CLASP1: variants seen among roughly 807,000 people sequenced by gnomAD.
CLASP1 encodes the protein CLIP-associating protein 1.
A neutral mutation model predicts 192.3 loss-of-function variants in CLASP1; 38 were observed. The observed-to-expected ratio is 0.20, with a 90% confidence interval of 0.15 to 0.26. The LOEUF is 0.26. Among genes scored for constraint, CLASP1 ranks in the 10% least tolerant of loss-of-function variants. The pLI is 1.00. For synonymous variants in CLASP1, 691 were observed against 712.8 expected (o/e 0.97, Z 0.49); for missense variants, 1,433 against 1,932.5 (o/e 0.74, Z 4.85).
intron 19 of CLASP1, among the ~76,000 whole-genome samples, chr2:121,441,742 C>A (rs1056759811): frequency 1.7e-4 from 25 of 150,204 alleles, no homozygotes; most frequent in African/African-American, 5.9e-4. Flanking sequence ...GAGACCCTGC[C>A]TTTAAAAAAA....
In CLASP1 at chr2:121,404,441, G is replaced by T. The variant is rs1376376657; in HGVS notation, c.2670-7C>A. 3 of 1,605,704 alleles carry T rather than the reference G, an allele frequency of 1.9e-6. No individual in the cohort carries two copies. Among genetic ancestry groups the T allele is most frequent in the Non-Finnish European group, 2.6e-6 (3 of 1,175,426 alleles). On this transcript the variant is annotated splice_region_variant and splice_polypyrimidine_tract_variant and intron_variant, in intron 25 of 39. Coordinates refer to ENST00000263710, the Ensembl canonical transcript of CLASP1. ...CCTTTTCAGTTCAACTCGACTAGAA[G>T]AAATAAAACAGAAATCAATGAATTT...
In CLASP1 at chr2:121,387,110, A is replaced by AAG. The variant is rs1226088106; in HGVS notation, c.3374+10_3374+11dup. The AAG allele has an allele frequency of 1.2e-6, 2 of 1,605,682 alleles. No homozygotes were observed. The highest frequency in any genetic ancestry group is 2.7e-5 in the African/African-American group (2 of 74,746). ...TTCTTTACATCTGTGGAAAGTAAAG[A>AAG]AGTGACCTTACCTTGGAGACAGACC... On this transcript the variant is annotated intron_variant, in intron 32 of 39. Coordinates refer to ENST00000263710, the Ensembl canonical transcript of CLASP1.
In CLASP1 at chr2:121,434,478, C is replaced by T. The variant is rs139385023; in HGVS notation, c.1913-4301G>A. ...TGGGGGTCTCACTATGTTGCCCAGGCTGGTCTCAAACTCCTGGCCTCAAGC... is the reference window on the plus strand; with the variant it reads ...TGGGGGTCTCACTATGTTGCCCAGGTTGGTCTCAAACTCCTGGCCTCAAGC... On this transcript the variant is annotated intron_variant, in intron 19 of 39. Coordinates refer to ENST00000263710, the Ensembl canonical transcript of CLASP1. Among the ~76,000 whole-genome samples, 947 of 152,054 alleles carry T rather than the reference C, an allele frequency of 6.2e-3. 13 individuals are homozygous for T. Among genetic ancestry groups the T allele is most frequent in the African/African-American group, 0.021 (879 of 41,500 alleles).
In CLASP1 at chr2:121,459,941, C is replaced by T. The variant is rs1396639708; in HGVS notation, c.1178+39G>A. The T allele has an allele frequency of 3.2e-6, 5 of 1,557,456 alleles. No homozygotes were observed. In the South Asian group the frequency reaches 3.6e-5, roughly 11 times the overall value. The stretch of plus-strand genomic sequence containing the variant: ...ACATCTCTGAAGCTCTGTGGTGACA[C>T]TATTTTATGGTGAGAATATGGAGCA... On this transcript the variant is annotated intron_variant, in intron 12 of 39. Transcript: ENST00000263710.
chr2:121,575,081 T>A (rs942437916), intron 2 of CLASP1, among the ~76,000 whole-genome samples: 1 of 152,168 alleles, frequency 6.6e-6, no homozygotes, highest in Admixed American at 6.5e-5. Flanking sequence ...ATGTTGTACA[T>A]AATATATACA....
chr2:121,637,587 T>TA (rs985417090), intron 1 of CLASP1, among the ~76,000 whole-genome samples: 31 of 151,856 alleles, frequency 2.0e-4, no homozygotes, highest in Admixed American at 9.2e-4. Context: ...ACACAAAGCT[T>TA]AAAAAAAAAT....
chr2:121,398,697 C>T (rs1363174695), intron 28 of CLASP1, among the ~76,000 whole-genome samples: 3 of 141,214 alleles, frequency 2.1e-5, no homozygotes, highest in East Asian at 2.6e-4. Context: ...TCTAGGGATT[C>T]GCTCATTTTC....
intron 23 of CLASP1, among the ~76,000 whole-genome samples, chr2:121,412,828 T>C (rs983418262): frequency 6.6e-6 from 1 of 152,234 alleles, no homozygotes; most frequent in African/African-American, 2.4e-5. Flanking sequence ...ATAAGCTTTA[T>C]GTTTTCGCCA....
chr2:121,614,979 A>G (rs1210473601), intron 1 of CLASP1, among the ~76,000 whole-genome samples: 1 of 152,248 alleles, frequency 6.6e-6, no homozygotes, highest in Non-Finnish European at 1.5e-5. Context: ...TGGAATGACC[A>G]AGTCAAAACT....
intron 19 of CLASP1, among the ~76,000 whole-genome samples, chr2:121,435,703 C>T (rs1406763771): frequency 1.3e-5 from 2 of 152,196 alleles, no homozygotes; most frequent in South Asian, 2.1e-4. Context: ...TTATGAAAAA[C>T]GCAGCCATTA....
intron 2 of CLASP1, among the ~76,000 whole-genome samples, chr2:121,557,782 A>AC (rs1252240849): frequency 1.8e-4 from 28 of 151,832 alleles, no homozygotes; most frequent in Admixed American, 1.8e-3. Context: ...AGAAAAAAAA[A>AC]GAATACCTAT....
chr2:121,494,690 C>A (rs10185275), intron 8 of CLASP1, among the ~76,000 whole-genome samples: 45,005 of 152,060 alleles, frequency 0.3, 10,546 homozygotes, highest in African/African-American at 0.65. Context: ...ATACCTATGT[C>A]ACCCATAAAT....
intron 8 of CLASP1, among the ~76,000 whole-genome samples, chr2:121,489,914 T>C (rs1245143771): frequency 3.9e-5 from 6 of 152,224 alleles, no homozygotes; most frequent in African/African-American, 7.2e-5. Context: ...CAAGACCACT[T>C]AGCGTTATTA....
At chr2:121,476,531 G>T (rs145770942) in intron 8 of CLASP1, among the ~76,000 whole-genome samples, 3 of 152,168 alleles carry the variant, frequency 2.0e-5, no homozygotes, top group African/African-American at 7.2e-5. Flanking sequence ...CATCTATAAC[G>T]ACCAACAAAA....
intron 28 of CLASP1, among the ~76,000 whole-genome samples, chr2:121,399,065 T>C (rs1341850936): frequency 1.3e-5 from 2 of 152,224 alleles, no homozygotes; most frequent in African/African-American, 2.4e-5. Flanking sequence ...GTAACTTCCA[T>C]ATTAACAGGA....
At chr2:121,589,693 C>T (rs1309662002) in intron 2 of CLASP1, among the ~76,000 whole-genome samples, 1 of 151,334 alleles carries the variant, frequency 6.6e-6, no homozygotes, top group African/African-American at 2.4e-5. Flanking sequence ...CCAGTTTAGC[C>T]CAGTTAAGAT....
intron 2 of CLASP1, among the ~76,000 whole-genome samples, chr2:121,593,958 A>C (rs1289100918): frequency 2.6e-5 from 4 of 151,018 alleles, no homozygotes; most frequent in Non-Finnish European, 1.5e-5. Context: ...CGGTGAGCCG[A>C]GATCGCGCCA....
chr2:121,387,676 G>T, intron 31 of CLASP1, 87 bp downstream of exon 32: 3 of 1,308,480 alleles, frequency 2.3e-6, no homozygotes, highest in South Asian at 1.3e-5. Flanking sequence ...CAAGGAAACG[G>T]GGTATTCTAT....
At chr2:121,528,939 G>C (rs2094660239) in intron 3 of CLASP1, among the ~76,000 whole-genome samples, 159 bp from the exon 4 acceptor site, 1 of 152,138 alleles carries the variant, frequency 6.6e-6, no homozygotes, top group African/African-American at 2.4e-5. Context: ...TACTCTCCTT[G>C]CTGAAGTCCA....
Sources: allele counts gnomAD v4.1 joint callset (sites outside exome capture counted in the v4.1 genomes callset), GRCh38; gene constraint gnomAD v4.1.1; transcripts MANE v1.5; gene names NCBI Gene and HGNC (gene_info 2026-07-23, HGNC 2026-07-21).